CNTNAP3: variants seen among roughly 807,000 people sequenced by gnomAD.
CNTNAP3 encodes the protein contactin-associated protein-like 3.
In CNTNAP3, 36 loss-of-function variants were observed where a neutral mutation model predicts 92.1. The ratio of observed to expected loss-of-function variants is 0.39; its 90% CI spans 0.30 to 0.52. CNTNAP3 has a LOEUF of 0.52. CNTNAP3 is among the 20% of genes least tolerant of loss of function. The pLI is 0.76. For missense variants in CNTNAP3, 534 were observed against 1,069.6 expected, an observed-to-expected ratio of 0.50 and a Z score of 6.98; for synonymous variants, 232 against 422.3, an observed-to-expected ratio of 0.55 and a Z score of 5.53.
rs1267943309 is a variant in CNTNAP3 at position 39,272,260 on chromosome 9, C to T, written c.86-5254G>A. On this transcript the variant is annotated intron_variant, in intron 1 of 23. Coordinates refer to ENST00000297668, the MANE Select transcript of CNTNAP3 (RefSeq NM_033655.5). ...AGAAGATAATGGACAAAGAGATCTG[C>T]TGGATTGAGATGAGATAATGGGTGT... 1.8e-4 allele frequency among the ~76,000 whole-genome samples: 4 copies of T among 22,066 alleles called. 2 individuals are homozygous for T. The Admixed American group carries it at 3.6e-3, about 20-fold the overall frequency. 14.5% of individuals were successfully genotyped at this position (22,066 alleles called of 152,430 possible). A position where few individuals can be genotyped will look rare whatever the true frequency, so the allele number is the denominator to read the frequency against.
At chr9:39,144,461 G>GTA (rs1821651959) in intron 10 of CNTNAP3, 115 bp from the exon 11 acceptor site, 1 of 1,459,686 alleles carries the variant, frequency 6.9e-7, no homozygotes, top group African/African-American at 1.4e-5. Context: ...GCATATGCAA[G>GTA]ATAACCCCAC....
At position 39,117,990 on chromosome 9, in the gene CNTNAP3, C is replaced by T. The variant is rs914138385; in HGVS notation, c.2237+113G>A. On this transcript the variant is annotated intron_variant, in intron 14 of 23. Coordinates refer to ENST00000297668, the MANE Select transcript of CNTNAP3 (RefSeq NM_033655.5). ...TCATCAAAACTTGTATTTCAGCTTG[C>T]TTGAACATACTTTAGTTACCTTATT... is the stretch of plus-strand genomic sequence containing the variant. 3.2e-6 allele frequency: 5 copies of T among 1,577,566 alleles called. No homozygotes were observed. In the African/African-American group the frequency reaches 6.8e-5, roughly 21 times the overall value.
At position 39,072,055 on chromosome 9, in the gene CNTNAP3, A is replaced by G. The variant is rs1825643707; in HGVS notation, c.*1835T>C. Among the ~76,000 whole-genome samples the G allele has an allele frequency of 4.7e-5, 5 of 107,520 alleles. No homozygotes were observed. In the South Asian group the frequency reaches 1.7e-3, roughly 37 times the overall value. 70.5% of individuals were successfully genotyped at this position (107,520 alleles called of 152,430 possible). ...GAAGATTAAGTCTAAAAATCAGTGCAAAAGATTGATGGTGATGATGTATCA... is the reference window on the plus strand; with the variant it reads ...GAAGATTAAGTCTAAAAATCAGTGCGAAAGATTGATGGTGATGATGTATCA... On this transcript the variant is annotated 3_prime_UTR_variant, in exon 24 of 24. Coordinates refer to ENST00000297668, the MANE Select transcript of CNTNAP3 (RefSeq NM_033655.5).
chr9:39,114,245 G>A (rs1587714582), intron 14 of CNTNAP3, among the ~76,000 whole-genome samples: 9 of 151,704 alleles, frequency 5.9e-5, no homozygotes, highest in Admixed American at 5.3e-4. Context: ...ACCATGCCTG[G>A]CTAATATTTT....
At chr9:39,082,770 A>T (rs937500977) in intron 21 of CNTNAP3, among the ~76,000 whole-genome samples, 7 of 152,282 alleles carry the variant, frequency 4.6e-5, no homozygotes, top group African/African-American at 1.7e-4. Context: ...TGCAGTGGAA[A>T]CCTGGCCACA....
rs1826285367 is a variant in CNTNAP3 at position 39,094,550 on chromosome 9, A to T, written c.2995+5361T>A. On this transcript the variant is annotated intron_variant, in intron 18 of 23. Coordinates refer to ENST00000297668, the MANE Select transcript of CNTNAP3 (RefSeq NM_033655.5). Reference sequence around the variant, plus strand: ...TTAATTTTGGTAAGGGTCTAACTTCAATCTTTGCATGTGAACATCCACTTT... The same window carrying T: ...TTAATTTTGGTAAGGGTCTAACTTCTATCTTTGCATGTGAACATCCACTTT... Among the ~76,000 whole-genome samples, 5 of 148,160 alleles carry T rather than the reference A, an allele frequency of 3.4e-5. 1 individual carries two copies. The South Asian group carries it at 1.1e-3, about 32-fold the overall frequency.
At chr9:39,112,352 A>G (rs2778192) in intron 14 of CNTNAP3, among the ~76,000 whole-genome samples, 1 of 151,938 alleles carries the variant, frequency 6.6e-6, no homozygotes, top group Non-Finnish European at 1.5e-5. Context: ...GAGAAATGTT[A>G]AGTCAACTTT....
At chr9:39,109,112 C>G in intron 15 of CNTNAP3, 48 bp downstream of exon 15, 1 of 1,587,698 alleles carries the variant, frequency 6.3e-7, no homozygotes, top group Non-Finnish European at 8.6e-7. Context: ...TCTTTTATAA[C>G]CAAAAAAAGT....
chr9:39,071,153 C>T lies in CNTNAP3; in HGVS notation c.*2737G>A, dbSNP rs1413811435. ...ATACATGACTTATCCTACTCCATGT[C>T]TCTATTACAATGAAAGATCATACAC... On this transcript the variant is annotated 3_prime_UTR_variant, in exon 24 of 24. Coordinates refer to ENST00000297668, the MANE Select transcript of CNTNAP3 (RefSeq NM_033655.5). 4.6e-5 allele frequency among the ~76,000 whole-genome samples: 7 copies of T among 152,060 alleles called. No homozygotes were observed. The highest frequency in any genetic ancestry group is 1.0e-4 in the Non-Finnish European group (7 of 67,980).
At chr9:39,151,522 A>AC (rs1471318993) in intron 9 of CNTNAP3, among the ~76,000 whole-genome samples, 1 of 131,178 alleles carries the variant, frequency 7.6e-6, no homozygotes, top group Non-Finnish European at 1.6e-5. Flanking sequence ...GCGCCACTGC[A>AC]CTCCAGCCTG....
At chr9:39,149,549 G>A (rs1821789916) in intron 10 of CNTNAP3, among the ~76,000 whole-genome samples, 1 of 151,260 alleles carries the variant, frequency 6.6e-6, no homozygotes, top group Non-Finnish European at 1.5e-5. Flanking sequence ...GTAGAGACGG[G>A]GTTTCACCAT....
intron 13 of CNTNAP3, among the ~76,000 whole-genome samples, chr9:39,120,622 A>C (rs1317844923): frequency 6.6e-6 from 1 of 152,204 alleles, no homozygotes; most frequent in Non-Finnish European, 1.5e-5. Context: ...GTGAGCCGAG[A>C]TTGTGCCACT....
At chr9:39,149,764 T>A in intron 10 of CNTNAP3, 42 bp downstream of exon 10, 4 of 1,316,004 alleles carry the variant, frequency 3.0e-6, no homozygotes, top group Non-Finnish European at 4.2e-6. Flanking sequence ...TTTCTTCAAC[T>A]TTGAAAACAG....
At chr9:39,135,110 T>C (rs1455186427) in intron 12 of CNTNAP3, among the ~76,000 whole-genome samples, 5 of 152,170 alleles carry the variant, frequency 3.3e-5, no homozygotes, top group Non-Finnish European at 5.9e-5. Context: ...TTTATAAAAT[T>C]CCACTTGACT....
intron 13 of CNTNAP3, among the ~76,000 whole-genome samples, chr9:39,130,473 T>G (rs562368879): frequency 2.6e-5 from 4 of 151,824 alleles, no homozygotes; most frequent in Admixed American, 2.6e-4. Flanking sequence ...CTAGTGGTTA[T>G]TAACGAGCAA....
chr9:39,067,356 G>T lies in CNTNAP3; in HGVS notation c.*6534C>A, dbSNP rs1198127557. Among the ~76,000 whole-genome samples the T allele has an allele frequency of 3.3e-5, 5 of 152,304 alleles. No homozygotes were observed. The highest frequency in any genetic ancestry group is 7.3e-5 in the Non-Finnish European group (5 of 68,050). On this transcript the variant is annotated 3_prime_UTR_variant, in exon 24 of 24. Transcript: ENST00000297668. ...ATTTTTCTGCCTCTTCACACACTTG[G>T]TAATTTTTTATTGTATACCAGACAT...
intron 22 of CNTNAP3, 80 bp from the exon 23 acceptor site, chr9:39,078,536 TAA>T (rs1825845110): frequency 3.1e-6 from 5 of 1,587,526 alleles, no homozygotes; most frequent in Middle Eastern, 2.3e-4. Flanking sequence ...ACTTGTCAAT[TAA>T]AAGTGAATTA....
At chr9:39,141,539 T>C (rs1821575528) in intron 11 of CNTNAP3, among the ~76,000 whole-genome samples, 1 of 152,214 alleles carries the variant, frequency 6.6e-6, no homozygotes, top group Non-Finnish European at 1.5e-5. Context: ...CTATATAATG[T>C]AAATTTACTC....
intron 13 of CNTNAP3, 24 bp downstream of exon 13, chr9:39,132,908 G>A (rs780524036): frequency 6.5e-7 from 1 of 1,533,726 alleles, no homozygotes. Context: ...GTGAACCCCT[G>A]TAGCCTCCAG....
Sources: gnomAD v4.1 joint callset for allele counts (sites outside exome capture counted in the v4.1 genomes callset) on GRCh38, gnomAD v4.1.1 for gene constraint, MANE v1.5 for transcripts, NCBI Gene and HGNC (gene_info 2026-07-23, HGNC 2026-07-21) for gene names.